The following IPO4 variants were observed in gnomAD, a reference collection of about 807,000 sequenced individuals.
The protein encoded by IPO4 is importin 4, also known as importin-4.
In IPO4, 91 loss-of-function variants were observed where a neutral mutation model predicts 133.5. The ratio of observed to expected loss-of-function variants is 0.68; its 90% CI spans 0.58 to 0.81. IPO4 has a LOEUF of 0.81. IPO4 is among the 30% of genes least tolerant of loss of function. The pLI is 0.00. For missense variants in IPO4, 1,279 were observed against 1,386.2 expected (o/e 0.92, Z 1.23); for synonymous variants, 607 against 581.6 (o/e 1.04, Z -0.63).
rs2039104501 is a variant in IPO4, at chr14:24,180,255, G to A, written c.*187C>T. ...CAGAAAACAAGCTGCTTTTATTACA[G>A]TATGATGTCATGACTCATTTGTAAC... On this transcript the variant is annotated 3_prime_UTR_variant, in exon 30 of 30. Coordinates refer to ENST00000354464, the MANE Select transcript of IPO4 (RefSeq NM_024658.4). 2 of 1,555,612 alleles carry A rather than the reference G, an allele frequency of 1.3e-6. No individual in the cohort carries two copies. The highest frequency in any genetic ancestry group is 2.7e-5 in the African/African-American group (2 of 73,656).
At chr14:24,187,373 C>CA in intron 6 of IPO4, 27 bp downstream of exon 6, 1 of 1,610,772 alleles carries the variant, frequency 6.2e-7, no homozygotes, top group Non-Finnish European at 8.5e-7. Context: ...GAAAGGGAGT[C>CA]AAAGATAACG....
intron 25 of IPO4, 42 bp from the exon 26 acceptor site, chr14:24,182,205 C>T: frequency 2.5e-6 from 4 of 1,613,876 alleles, no homozygotes; most frequent in Non-Finnish European, 3.4e-6. Context: ...CAGCCTGGGC[C>T]AAGGATAAAG....
At chr14:24,183,972 G>GGGGCCCCCCC in intron 18 of IPO4, 26 bp downstream of exon 18, 1 of 1,573,266 alleles carries the variant, frequency 6.4e-7, no homozygotes, top group Non-Finnish European at 8.6e-7. Context: ...GGCAGGCCTG[G>GGGGCCCCCCC]CCCAGCCCAC....
chr14:24,182,770 C>T (rs564018324), intron 24 of IPO4, 22 bp downstream of exon 24: 23 of 1,613,960 alleles, frequency 1.4e-5, no homozygotes, highest in African/African-American at 1.3e-4. Flanking sequence ...GCCTGGTCCC[C>T]GTTTTTATCC....
chr14:24,181,852 C>A lies in IPO4; in HGVS notation c.2808-9G>T. On this transcript the variant is annotated splice_polypyrimidine_tract_variant and intron_variant, in intron 26 of 29. Coordinates refer to ENST00000354464, the MANE Select transcript of IPO4 (RefSeq NM_024658.4). ...GCAGCTTGGGGAAGTGTCTGGTCCA[C>A]AGTCAAGGAATGGCCACACGCTCAG... is the stretch of plus-strand genomic sequence containing the variant. 1 of 1,598,526 alleles carries A rather than the reference C, an allele frequency of 6.3e-7. No individual in the cohort carries two copies. Among genetic ancestry groups the A allele is most frequent in the Non-Finnish European group, 8.5e-7 (1 of 1,170,486 alleles).
intron 19 of IPO4, 52 bp downstream of exon 19, chr14:24,183,731 C>T (rs965473973): frequency 1.3e-5 from 21 of 1,614,056 alleles, no homozygotes; most frequent in African/African-American, 2.7e-5. Context: ...GCACTAGGCC[C>T]TTGTCTAAAG....
In IPO4 at chr14:24,181,543, G is replaced by A. The variant is rs199631729; in HGVS notation, c.3015C>T (p.Phe1005=). The A allele has an allele frequency of 3.1e-4, 489 of 1,585,998 alleles. No individual in the cohort carries two copies. The highest frequency in any genetic ancestry group is 2.9e-4 in the Non-Finnish European group (339 of 1,165,772). ...LEEWVTIGRL[F]SFLYQSSPDQ... is the part of the protein sequence containing the mutation. ...CAGGGCTGCTCTGGTACAGGAAGCT[G>A]AAGAGGCGCCCAATGGTGACCCACT... The change falls in exon 28 of 30, where the codon TTC becomes TTT. Residue 1005 remains phenylalanine (F), a synonymous_variant. Coordinates refer to ENST00000354464, the MANE Select transcript of IPO4 (RefSeq NM_024658.4).
Position 24,187,397 on chromosome 14 carries a change from C to A in IPO4, c.588+3G>T. 6.2e-7 allele frequency: 1 copy of A among 1,614,028 alleles called. No homozygotes were observed. The highest frequency in any genetic ancestry group is 1.1e-5 in the South Asian group (1 of 91,066). ...TCAAAGATAACGAGGGCCCACATCT[C>A]ACCACATCTTCAGTGCTGAGGTAGG... On this transcript the variant is annotated splice_donor_region_variant and intron_variant, in intron 6 of 29. Coordinates refer to ENST00000354464, the MANE Select transcript of IPO4 (RefSeq NM_024658.4).
chr14:24,181,162 G>A (rs928310087), intron 28 of IPO4, among the ~76,000 whole-genome samples: 1 of 152,196 alleles, frequency 6.6e-6, no homozygotes, highest in Non-Finnish European at 1.5e-5. Context: ...TGGTGTGGTG[G>A]CCCAGAGGTA....
chr14:24,183,972 G>GGGGCCGCC, intron 18 of IPO4, 26 bp downstream of exon 18: 1 of 1,573,298 alleles, frequency 6.4e-7, no homozygotes, highest in Non-Finnish European at 8.6e-7. Flanking sequence ...GGCAGGCCTG[G>GGGGCCGCC]CCCAGCCCAC....
chr14:24,184,234 T>C, intron 17 of IPO4, 64 bp downstream of exon 17: 1 of 1,559,490 alleles, frequency 6.4e-7, no homozygotes, highest in Non-Finnish European at 8.7e-7. Context: ...GGGATTCCAG[T>C]GGGTCCAGTG....
At chr14:24,185,739 A>C in intron 12 of IPO4, 122 bp downstream of exon 12, 1 of 957,542 alleles carries the variant, frequency 1.0e-6, no homozygotes, top group Non-Finnish European at 1.6e-6. Flanking sequence ...CTTCCAAGCC[A>C]GGACACTTTT....
chr14:24,188,438 C>T lies in IPO4; in HGVS notation c.157-15G>A. The T allele has an allele frequency of 6.2e-7, 1 of 1,610,410 alleles. No individual in the cohort carries two copies. Among genetic ancestry groups the T allele is most frequent in the Admixed American group, 1.7e-5 (1 of 59,994 alleles). ...AACTGGCGGATCTAGGACGAGGAAG[C>T]AAGCACGTGGGGGTCCGGGCAGGAA... is the stretch of plus-strand genomic sequence containing the variant. On this transcript the variant is annotated splice_polypyrimidine_tract_variant and intron_variant, in intron 2 of 29. Coordinates refer to ENST00000354464, the MANE Select transcript of IPO4 (RefSeq NM_024658.4).
Position 24,187,504 on chromosome 14 carries a change from G to T in IPO4, c.484C>A (p.Arg162=), listed in dbSNP as rs756848315. The change falls in exon 6 of 30, where the codon CGG becomes AGG. Residue 162 remains arginine (R), a synonymous_variant. Transcript: ENST00000354464. ...TCACCAAGAGTCTCATTCAGAAGCC[G>T]AAGAAGCTCCCGGTGGTGGGGTTGG... is the stretch of plus-strand genomic sequence containing the variant. ...AFQPHHRELL[R]LLNETLGEVG... The T allele has an allele frequency of 6.2e-7, 1 of 1,614,164 alleles. No individual in the cohort carries two copies. The highest frequency in any genetic ancestry group is 8.5e-7 in the Non-Finnish European group (1 of 1,180,012).
In IPO4 at chr14:24,182,375, T is replaced by C. The variant is rs965727462; in HGVS notation, c.2501A>G (p.His834Arg). ...QAEYDAMLLE[H>R]AGEAIPALAA... ...CAGGGCAGGGATGGCCTCTCCAGCG[T>C]GCTCCAGCAACATGGCGTCGTATTC... Residue 834 changes from histidine (H) to arginine (R), a missense_variant, in exon 25 of 30, where the codon CAC (histidine) becomes CGC (arginine). By Grantham distance (29) the His-to-Arg change is conservative. This residue lies in a region of IPO4 where 575 missense variants were observed against 653.4 expected (regional missense o/e 0.88). Coordinates refer to ENST00000354464, the MANE Select transcript of IPO4 (RefSeq NM_024658.4). 3.7e-6 allele frequency: 6 copies of C among 1,613,186 alleles called. No homozygotes were observed. Among genetic ancestry groups the C allele is most frequent in the Non-Finnish European group, 5.1e-6 (6 of 1,179,692 alleles).
chr14:24,182,415 G>C lies in IPO4; in HGVS notation c.2473-12C>G, dbSNP rs2039155485. On this transcript the variant is annotated splice_polypyrimidine_tract_variant and intron_variant, in intron 24 of 29. Transcript: ENST00000354464. ...GCGTCGTATTCAGCCTGTGGAGCCA[G>C]GTCAGGGGCTGGAGCACCAGGGCCA... is the stretch of plus-strand genomic sequence containing the variant. 6.2e-7 allele frequency: 1 copy of C among 1,603,234 alleles called. No individual in the cohort carries two copies. The highest frequency in any genetic ancestry group is 8.5e-7 in the Non-Finnish European group (1 of 1,175,918).
Position 24,188,219 on chromosome 14 carries a change from G to C in IPO4, c.275C>G (p.Thr92Arg), listed in dbSNP as rs778689897. ...AGAGAAGTGGGTAGGTACTTACTCT[G>C]TTTCTCTCTGCAGGGCCGTCAGGAT... is the stretch of plus-strand genomic sequence containing the variant. ...SLILTALQRE[T>R]EHCVSLSLAQ... The change falls in exon 4 of 30, where the codon ACA becomes AGA. Residue 92 changes from threonine to arginine, a missense_variant. Transcript: ENST00000354464. 21 of 1,613,226 alleles carry C rather than the reference G, an allele frequency of 1.3e-5. No homozygotes were observed. Among genetic ancestry groups the C allele is most frequent in the Admixed American group, 1.2e-4 (7 of 59,846 alleles).
chr14:24,185,160 A>G (rs755584060), intron 14 of IPO4, 23 bp downstream of exon 14: 9 of 1,613,390 alleles, frequency 5.6e-6, no homozygotes, highest in Non-Finnish European at 5.1e-6. Context: ...CCCCTTCCCC[A>G]AGCTCCCCAC....
chr14:24,188,766 G>A lies in IPO4; in HGVS notation c.22C>T (p.Gln8Ter). The change falls in exon 1 of 30, where the codon CAG becomes TAG. Residue 8 changes from glutamine to a stop codon, truncating the protein, a stop_gained. Coordinates refer to ENST00000354464, the MANE Select transcript of IPO4 (RefSeq NM_024658.4). LOFTEE classifies it high-confidence loss of function. Reference protein sequence around the residue: MESAGLEQLLRELLLPDT... With the variant: MESAGLE The stretch of plus-strand genomic sequence containing the variant: ...GGTAGCAGCAGCTCCCGTAGGAGCT[G>A]CTCTAGCCCGGCTGACTCCATGGCA... 6.6e-7 allele frequency: 1 copy of A among 1,518,160 alleles called. No individual in the cohort carries two copies. The highest frequency in any genetic ancestry group is 8.8e-7 in the Non-Finnish European group (1 of 1,135,108). The allele number at this position is 1,518,160 out of a possible 1,614,324, so 94.0% of individuals were successfully genotyped here. A position where few individuals can be genotyped will look rare whatever the true frequency, so the allele number is the denominator to read the frequency against.
Sources: allele counts gnomAD v4.1 joint callset (sites outside exome capture counted in the v4.1 genomes callset), GRCh38; gene constraint gnomAD v4.1.1; regional missense constraint gnomAD v4.1.1; transcripts MANE v1.5; gene names NCBI Gene and HGNC (gene_info 2026-07-23, HGNC 2026-07-21).